CNTNAP3B: variants seen among roughly 807,000 people sequenced by gnomAD.
CNTNAP3B encodes the protein contactin associated protein family member 3B.
In CNTNAP3B, 25 loss-of-function variants were observed where a neutral mutation model predicts 108.9. The ratio of observed to expected loss-of-function variants is 0.23; its 90% CI spans 0.17 to 0.32. The LOEUF is 0.32. Ranked by LOEUF, CNTNAP3B falls within the 10% of genes least tolerant of loss-of-function variation. The pLI, the probability that CNTNAP3B is intolerant of heterozygous loss-of-function variation, is 1.00. For missense variants in CNTNAP3B, 252 were observed against 1,210.4 expected (o/e 0.21, Z 11.75); for synonymous variants, 103 against 473.4 (o/e 0.22, Z 10.16).
At chr9:42,121,736 A>G (rs1445754598) in intron 1 of CNTNAP3B, among the ~76,000 whole-genome samples, 1 of 140,082 alleles carries the variant, frequency 7.1e-6, no homozygotes, top group Non-Finnish European at 1.5e-5. Flanking sequence ...TTGCTTATCT[A>G]TAGGTAAGAG....
chr9:42,116,168 G>GA (rs200420647), intron 1 of CNTNAP3B, among the ~76,000 whole-genome samples: 4,852 of 138,304 alleles, frequency 0.035, 812 homozygotes, highest in Non-Finnish European at 0.051. Context: ...GAAGTTTAGA[G>GA]AAAAAAGAGT....
chr9:41,961,835 G>C (rs1426527492), intron 11 of CNTNAP3B, among the ~76,000 whole-genome samples: 2 of 152,298 alleles, frequency 1.3e-5, no homozygotes, highest in Non-Finnish European at 2.9e-5. Context: ...ATTTGTGCAA[G>C]TAAATGTTTT....
At chr9:41,973,287 G>GAAA (rs1316188385) in intron 9 of CNTNAP3B, among the ~76,000 whole-genome samples, 2 of 128,320 alleles carry the variant, frequency 1.6e-5, no homozygotes, top group African/African-American at 2.8e-5. Flanking sequence ...AACTCTGTTA[G>GAAA]AAAAAAAAAA....
At chr9:41,936,942 TA>T (rs1471101381) in intron 14 of CNTNAP3B, among the ~76,000 whole-genome samples, 53 of 152,340 alleles carry the variant, frequency 3.5e-4, no homozygotes, top group Non-Finnish European at 6.3e-4. Context: ...AACTTCACAA[TA>T]TTTTTTAAAG....
intron 11 of CNTNAP3B, among the ~76,000 whole-genome samples, chr9:41,962,499 A>T (rs1353350367): frequency 6.7e-6 from 1 of 149,974 alleles, no homozygotes; most frequent in African/African-American, 2.5e-5. Flanking sequence ...GCAGATATAA[A>T]TTTTCCAGGT....
At chr9:42,035,460 A>G (rs1365382143) in intron 3 of CNTNAP3B, among the ~76,000 whole-genome samples, 2 of 145,802 alleles carry the variant, frequency 1.4e-5, no homozygotes, top group Non-Finnish European at 3.0e-5. Context: ...AATCACTCAG[A>G]AGATCTTGGG....
rs1340485979 is a variant in CNTNAP3B, at chr9:42,118,337, C to T, written c.85+10673G>A. 1.6e-3 allele frequency among the ~76,000 whole-genome samples: 229 copies of T among 139,502 alleles called. 41 individuals are homozygous for T. Among genetic ancestry groups the T allele is most frequent in the African/African-American group, 6.1e-3 (216 of 35,300 alleles). The allele number at this position is 139,502 out of a possible 152,430, so 91.5% of individuals were successfully genotyped here. On this transcript the variant is annotated intron_variant, in intron 1 of 23. Coordinates refer to ENST00000377561, the MANE Select transcript of CNTNAP3B (RefSeq NM_001201380.3). ...AAAAAGCTTATCCACCATGATCAAG[C>T]GGGCTTCAGCCCTGGGACGCAAGGC... is the stretch of plus-strand genomic sequence containing the variant.
At chr9:42,113,810 C>T (rs1828252064) in intron 1 of CNTNAP3B, among the ~76,000 whole-genome samples, 1 of 138,750 alleles carries the variant, frequency 7.2e-6, no homozygotes, top group South Asian at 2.3e-4. Context: ...GGATTGTTTG[C>T]AACTCGAAGG....
intron 11 of CNTNAP3B, among the ~76,000 whole-genome samples, chr9:41,963,059 G>T (rs1825154271): frequency 6.6e-6 from 1 of 152,264 alleles, no homozygotes; most frequent in Admixed American, 6.5e-5. Flanking sequence ...ATCTGTGAGA[G>T]TCACTCCTGG....
intron 3 of CNTNAP3B, among the ~76,000 whole-genome samples, chr9:42,034,325 T>C (rs1826583526): frequency 1.0e-5 from 1 of 98,562 alleles, no homozygotes; most frequent in Non-Finnish European, 2.0e-5. Context: ...GAAAGAGAAA[T>C]ATAAAGCCAC....
At chr9:41,941,674 T>C (rs1400601258) in intron 13 of CNTNAP3B, among the ~76,000 whole-genome samples, 1 of 139,948 alleles carries the variant, frequency 7.1e-6, no homozygotes, top group East Asian at 2.0e-4. Context: ...CAAACATTAC[T>C]CCTAAAGCTG....
intron 3 of CNTNAP3B, among the ~76,000 whole-genome samples, chr9:42,041,339 C>A (rs1484242367): frequency 6.7e-6 from 1 of 150,262 alleles, no homozygotes; most frequent in Non-Finnish European, 1.5e-5. Flanking sequence ...ATCTACCCAT[C>A]TGACAAAGGG....
At chr9:41,934,965 G>A (rs1238893634) in intron 14 of CNTNAP3B, among the ~76,000 whole-genome samples, 2 of 152,226 alleles carry the variant, frequency 1.3e-5, no homozygotes, top group East Asian at 3.8e-4. Context: ...TAATATTACA[G>A]TTACATGTGT....
intron 11 of CNTNAP3B, among the ~76,000 whole-genome samples, chr9:41,962,496 T>C (rs1158614193): frequency 1.2e-4 from 18 of 150,346 alleles, no homozygotes; most frequent in South Asian, 2.1e-4. Flanking sequence ...GTGGCAGATA[T>C]AAATTTTCCA....
At chr9:41,952,088 G>C (rs1322756304) in intron 13 of CNTNAP3B, among the ~76,000 whole-genome samples, 2 of 152,276 alleles carry the variant, frequency 1.3e-5, no homozygotes, top group Non-Finnish European at 2.9e-5. Flanking sequence ...CAGAGGAAAT[G>C]GTCTGGCATA....
intron 15 of CNTNAP3B, among the ~76,000 whole-genome samples, chr9:41,926,015 C>A (rs1207227955): frequency 1.0e-5 from 1 of 98,116 alleles, no homozygotes; most frequent in Non-Finnish European, 2.7e-5. Flanking sequence ...GTATTTGTAT[C>A]TCTCTCTCTC....
chr9:41,960,063 T>A (rs1489485942), intron 12 of CNTNAP3B: 2 of 154,302 alleles, frequency 1.3e-5, no homozygotes, highest in Non-Finnish European at 2.9e-5. Context: ...AATGGTGCAA[T>A]CTTGGCTCAC....
At chr9:41,941,550 C>T (rs1824343358) in intron 13 of CNTNAP3B, among the ~76,000 whole-genome samples, 2 of 139,896 alleles carry the variant, frequency 1.4e-5, no homozygotes, top group Non-Finnish European at 3.1e-5. Flanking sequence ...CTTCTGGTTT[C>T]CAATCTGATA....
intron 15 of CNTNAP3B, among the ~76,000 whole-genome samples, chr9:41,928,004 A>G (rs1484013982): frequency 2.0e-5 from 3 of 150,676 alleles, no homozygotes; most frequent in Non-Finnish European, 2.9e-5. Flanking sequence ...CTTAAAAGAG[A>G]ACAGAATATT....
Sources: allele counts gnomAD v4.1 joint callset (sites outside exome capture counted in the v4.1 genomes callset), GRCh38; gene constraint gnomAD v4.1.1; transcripts MANE v1.5; gene names NCBI Gene and HGNC (gene_info 2026-07-23, HGNC 2026-07-21).